The following FARP1 variants were observed in gnomAD, a reference collection of about 807,000 sequenced individuals.
FARP1 encodes FERM, ARHGEF and pleckstrin domain-containing protein 1.
FARP1 carries 52 observed loss-of-function variants against 128.8 expected under a neutral mutation model. The ratio of observed to expected loss-of-function variants is 0.40; its 90% CI spans 0.32 to 0.51. The LOEUF is 0.51. Ranked by LOEUF, FARP1 falls within the 20% of genes least tolerant of loss-of-function variation. The pLI is 0.45. For synonymous variants in FARP1, 580 were observed against 551.8 expected, an observed-to-expected ratio of 1.05 and a Z score of -0.72; for missense variants, 1,333 against 1,367.9, an observed-to-expected ratio of 0.97 and a Z score of 0.40.
intron 2 of FARP1, among the ~76,000 whole-genome samples, chr13:98,236,368 A>G (rs1312886066): frequency 6.6e-6 from 1 of 152,242 alleles, no homozygotes; most frequent in African/African-American, 2.4e-5. Flanking sequence ...TAAATCTAGT[A>G]ATATGATACC....
chr13:98,318,219 C>A (rs1265370114), intron 2 of FARP1, among the ~76,000 whole-genome samples: 1 of 144,768 alleles, frequency 6.9e-6, no homozygotes, highest in Non-Finnish European at 1.5e-5. Context: ...CCACACCTGG[C>A]TAATTTTTGT....
chr13:98,222,136 G>A (rs1162061163), intron 2 of FARP1, among the ~76,000 whole-genome samples: 1 of 152,144 alleles, frequency 6.6e-6, no homozygotes, highest in Non-Finnish European at 1.5e-5. Context: ...GAGCCTCATA[G>A]GTCTCTGTTT....
At chr13:98,446,247 G>C (rs773863609) in intron 25 of FARP1, 42 bp downstream of exon 25, 1 of 1,390,760 alleles carries the variant, frequency 7.2e-7, no homozygotes. Flanking sequence ...GGACCTTGGG[G>C]GTGGCAGCAT....
intron 16 of FARP1, among the ~76,000 whole-genome samples, chr13:98,417,593 C>T (rs891822485): frequency 5.3e-5 from 8 of 151,902 alleles, no homozygotes; most frequent in African/African-American, 1.5e-4. Context: ...GAGCAGACTC[C>T]GGGCAGGAGG....
intron 2 of FARP1, among the ~76,000 whole-genome samples, chr13:98,242,672 G>A (rs1882842282): frequency 6.6e-6 from 1 of 152,160 alleles, no homozygotes; most frequent in Admixed American, 6.5e-5. Flanking sequence ...GCAAGACCCT[G>A]TCTCAAAGAA....
chr13:98,370,625 A>G (rs984815841), intron 5 of FARP1, among the ~76,000 whole-genome samples: 2 of 151,252 alleles, frequency 1.3e-5, no homozygotes, highest in African/African-American at 4.9e-5. Context: ...GGATGGAGGG[A>G]AGTGGAGGAC....
In FARP1 at chr13:98,440,115, G is replaced by A; in HGVS notation, c.2517-8G>A. ...TGGCCTGAACACCTGACGCGTCTCTGTCTCCAGTTCTCGGTCCGAGATGGA... is the reference window on the plus strand; with the variant it reads ...TGGCCTGAACACCTGACGCGTCTCTATCTCCAGTTCTCGGTCCGAGATGGA... On this transcript the variant is annotated splice_polypyrimidine_tract_variant and splice_region_variant and intron_variant, in intron 22 of 26. Coordinates refer to ENST00000319562, the MANE Select transcript of FARP1 (RefSeq NM_005766.4). The A allele has an allele frequency of 6.2e-7, 1 of 1,611,800 alleles. No individual in the cohort carries two copies. Among genetic ancestry groups the A allele is most frequent in the South Asian group, 1.1e-5 (1 of 91,016 alleles).
At chr13:98,418,208 C>A (rs1249899389) in intron 16 of FARP1, among the ~76,000 whole-genome samples, 3 of 152,118 alleles carry the variant, frequency 2.0e-5, no homozygotes, top group Non-Finnish European at 2.9e-5. Flanking sequence ...AGCCATCACA[C>A]TTGGCCTTGT....
chr13:98,233,123 C>A (rs1349163378), intron 2 of FARP1, among the ~76,000 whole-genome samples: 1 of 152,174 alleles, frequency 6.6e-6, no homozygotes, highest in East Asian at 1.9e-4. Context: ...TCATCCAGAC[C>A]ATCTCACTTT....
intron 17 of FARP1, among the ~76,000 whole-genome samples, chr13:98,428,828 C>T (rs1477208003): frequency 6.6e-6 from 1 of 152,218 alleles, no homozygotes; most frequent in Non-Finnish European, 1.5e-5. Context: ...TGACGACATG[C>T]CAGGATGTTA....
chr13:98,364,178 A>G (rs1161413334), intron 3 of FARP1, among the ~76,000 whole-genome samples: 6 of 152,234 alleles, frequency 3.9e-5, no homozygotes, highest in Middle Eastern at 3.2e-3. Flanking sequence ...GAAATGCATA[A>G]TTTCCCAAAG....
chr13:98,430,622 G>A (rs1891973596), intron 17 of FARP1, among the ~76,000 whole-genome samples: 1 of 152,168 alleles, frequency 6.6e-6, no homozygotes, highest in African/African-American at 2.4e-5. Flanking sequence ...AAGCAGAACT[G>A]TGGTTTTAAA....
rs1269582506 is a variant in FARP1, at chr13:98,451,949, A to G, written c.*3632A>G. 1.3e-5 allele frequency: 2 copies of G among 151,818 alleles called. No individual in the cohort carries two copies. Among genetic ancestry groups the G allele is most frequent in the African/African-American group, 4.8e-5 (2 of 41,252 alleles). The allele number at this position is 151,818 out of a possible 1,614,324, so 9.4% of individuals were successfully genotyped here. ...GCTACAGCAATCGCACAGATCAGCAACCTCCAACTGCATCATCTCGGTGAG... is the reference window on the plus strand; with the variant it reads ...GCTACAGCAATCGCACAGATCAGCAGCCTCCAACTGCATCATCTCGGTGAG... On this transcript the variant is annotated 3_prime_UTR_variant, in exon 27 of 27. Transcript: ENST00000319562.
intron 2 of FARP1, among the ~76,000 whole-genome samples, chr13:98,318,629 G>T (rs1377882938): frequency 6.6e-6 from 1 of 152,146 alleles, no homozygotes; most frequent in Non-Finnish European, 1.5e-5. Context: ...TGCTTTCCAG[G>T]GCTGCCGCAC....
At chr13:98,268,528 C>T (rs1268006154) in intron 2 of FARP1, among the ~76,000 whole-genome samples, 5 of 152,110 alleles carry the variant, frequency 3.3e-5, no homozygotes, top group Non-Finnish European at 7.3e-5. Flanking sequence ...AGTGCAGTGG[C>T]GCGATCTCAG....
chr13:98,313,152 C>T (rs1002771114), intron 2 of FARP1, among the ~76,000 whole-genome samples: 1 of 132,670 alleles, frequency 7.5e-6, no homozygotes, highest in African/African-American at 2.9e-5. Flanking sequence ...TCACTCGAAT[C>T]GGGTGGGTCA....
intron 1 of FARP1, among the ~76,000 whole-genome samples, chr13:98,153,557 T>TA (rs201554546): frequency 0.48 from 31,425 of 65,138 alleles, 5,298 homozygotes; most frequent in East Asian, 0.68. Context: ...TAAATATATA[T>TA]TTATATATAT....
At chr13:98,153,553 T>A (rs1173919526) in intron 1 of FARP1, among the ~76,000 whole-genome samples, 1 of 25,486 alleles carries the variant, frequency 3.9e-5, no homozygotes, top group African/African-American at 9.9e-5. Flanking sequence ...TGTATAAATA[T>A]ATATTTATAT....
chr13:98,192,358 A>C (rs1879292156), intron 1 of FARP1, among the ~76,000 whole-genome samples: 1 of 151,856 alleles, frequency 6.6e-6, no homozygotes, highest in Non-Finnish European at 1.5e-5. Context: ...GTTGAATCAC[A>C]TTGCCATCAA....
Sources: gnomAD v4.1 joint callset for allele counts (sites outside exome capture counted in the v4.1 genomes callset) on GRCh38, gnomAD v4.1.1 for gene constraint, MANE v1.5 for transcripts, NCBI Gene and HGNC (gene_info 2026-07-23, HGNC 2026-07-21) for gene names.